The following AGBL4 variants were observed in gnomAD, a reference collection of about 807,000 sequenced individuals.
AGBL4 encodes cytosolic carboxypeptidase 6.
AGBL4 carries 58 observed loss-of-function variants against 66.4 expected under a neutral mutation model. That is an observed-to-expected ratio of 0.87 (90% CI 0.71 to 1.09). The LOEUF (loss-of-function observed/expected upper bound fraction) is 1.09. Ranked by LOEUF, AGBL4 falls within the 50% of genes least tolerant of loss-of-function variation. The pLI is 0.00. For missense variants in AGBL4, 579 were observed against 631.0 expected, an observed-to-expected ratio of 0.92 and a Z score of 0.88; for synonymous variants, 234 against 222.9, an observed-to-expected ratio of 1.05 and a Z score of -0.44.
chr1:49,291,717 C>T (rs964832484), intron 3 of AGBL4, among the ~76,000 whole-genome samples: 4 of 152,160 alleles, frequency 2.6e-5, no homozygotes, highest in Non-Finnish European at 4.4e-5. Context: ...CATGGTAACG[C>T]TAGTGATGGC....
chr1:49,755,285 G>A (rs1434584732), intron 2 of AGBL4, among the ~76,000 whole-genome samples: 2 of 151,940 alleles, frequency 1.3e-5, no homozygotes, highest in Admixed American at 6.6e-5. Flanking sequence ...ATATGATCTG[G>A]TAAGAATTAG....
At chr1:48,991,641 T>A (rs1001556209) in intron 5 of AGBL4, among the ~76,000 whole-genome samples, 2 of 152,094 alleles carry the variant, frequency 1.3e-5, no homozygotes, top group Non-Finnish European at 2.9e-5. Context: ...ACTTCCCTAG[T>A]CTTGTAGGTG....
chr1:49,914,314 C>A (rs997301321), intron 1 of AGBL4, among the ~76,000 whole-genome samples: 2 of 152,188 alleles, frequency 1.3e-5, no homozygotes, highest in African/African-American at 4.8e-5. Context: ...TTGTTCATCA[C>A]TCCTAAGTTC....
At chr1:49,122,558 T>TA (rs1355131816) in intron 4 of AGBL4, among the ~76,000 whole-genome samples, 2 of 152,166 alleles carry the variant, frequency 1.3e-5, no homozygotes, top group Non-Finnish European at 2.9e-5. Context: ...AAAATAATAC[T>TA]AATCAATTTA....
At chr1:49,227,816 C>G (rs376610712) in intron 4 of AGBL4, among the ~76,000 whole-genome samples, 1 of 152,172 alleles carries the variant, frequency 6.6e-6, no homozygotes, top group Non-Finnish European at 1.5e-5. Context: ...ATATTCATGG[C>G]TGCAGTGCCC....
intron 11 of AGBL4, among the ~76,000 whole-genome samples, chr1:48,552,633 C>T (rs1195226803): frequency 6.6e-6 from 1 of 152,192 alleles, no homozygotes; most frequent in Non-Finnish European, 1.5e-5. Context: ...GCACCCACCT[C>T]ATTGTGACAA....
intron 4 of AGBL4, among the ~76,000 whole-genome samples, chr1:49,220,138 A>G (rs1649388090): frequency 6.6e-6 from 1 of 152,134 alleles, no homozygotes; most frequent in Non-Finnish European, 1.5e-5. Context: ...TTTTTGTCTT[A>G]CTGTCCAGAA....
At chr1:49,502,082 G>T (rs1028750466) in intron 3 of AGBL4, among the ~76,000 whole-genome samples, 1 of 152,106 alleles carries the variant, frequency 6.6e-6, no homozygotes, top group Non-Finnish European at 1.5e-5. Flanking sequence ...TATGTGTTCT[G>T]CTGCTGTTGG....
chr1:49,222,734 G>A (rs942493150), intron 4 of AGBL4, among the ~76,000 whole-genome samples: 2 of 152,056 alleles, frequency 1.3e-5, no homozygotes, highest in Non-Finnish European at 2.9e-5. Flanking sequence ...TCTTTATTTT[G>A]TAATAATTCA....
chr1:49,638,824 G>A (rs1645726581), intron 3 of AGBL4, among the ~76,000 whole-genome samples: 1 of 152,076 alleles, frequency 6.6e-6, no homozygotes, highest in Non-Finnish European at 1.5e-5. Context: ...TTTCTTCATA[G>A]CAGTATGAAA....
At chr1:49,138,851 C>T (rs1392731113) in intron 4 of AGBL4, among the ~76,000 whole-genome samples, 1 of 152,118 alleles carries the variant, frequency 6.6e-6, no homozygotes, top group East Asian at 1.9e-4. Flanking sequence ...TTAGTCCATT[C>T]TCACATTGCT....
chr1:49,908,216 C>CT lies in AGBL4; in HGVS notation c.35-56699dup, dbSNP rs768024848. Among the ~76,000 whole-genome samples, 318 of 151,708 alleles carry CT rather than the reference C, an allele frequency of 2.1e-3. 1 individual carries two copies. The highest frequency in any genetic ancestry group is 3.6e-3 in the Non-Finnish European group (244 of 67,894). ...ATAAATGAGACCTCATCTCTCTAAG[C>CT]TTTTTTTAATTAGCCAGGTGATACA... On this transcript the variant is annotated intron_variant, in intron 1 of 13. Coordinates refer to ENST00000371839, the MANE Select transcript of AGBL4 (RefSeq NM_032785.4).
chr1:49,903,027 C>T (rs2148193209), intron 1 of AGBL4, among the ~76,000 whole-genome samples: 1 of 152,102 alleles, frequency 6.6e-6, no homozygotes, highest in East Asian at 1.9e-4. Context: ...ATAAATCACT[C>T]CACCATAAAG....
At chr1:49,499,319 A>G (rs1460278641) in intron 3 of AGBL4, among the ~76,000 whole-genome samples, 1 of 151,870 alleles carries the variant, frequency 6.6e-6, no homozygotes, top group African/African-American at 2.4e-5. Context: ...CATTTCTCCT[A>G]AGTTATCCAA....
At chr1:48,692,349 G>T (rs1425723366) in intron 6 of AGBL4, among the ~76,000 whole-genome samples, 1 of 152,180 alleles carries the variant, frequency 6.6e-6, no homozygotes, top group South Asian at 2.1e-4. Flanking sequence ...GGGGCGGCAC[G>T]CTGGGGAGCT....
At chr1:49,885,531 A>C (rs1425762308) in intron 1 of AGBL4, among the ~76,000 whole-genome samples, 1 of 152,052 alleles carries the variant, frequency 6.6e-6, no homozygotes, top group African/African-American at 2.4e-5. Flanking sequence ...TCAAATACAC[A>C]TACCCTAATT....
chr1:48,676,064 A>G (rs2148473414), intron 6 of AGBL4, among the ~76,000 whole-genome samples: 1 of 152,358 alleles, frequency 6.6e-6, no homozygotes, highest in East Asian at 1.9e-4. Flanking sequence ...CTCAGGTTAT[A>G]CCTGGGGTAC....
At chr1:48,616,868 G>A (rs555013976) in intron 9 of AGBL4, among the ~76,000 whole-genome samples, 51 of 152,296 alleles carry the variant, frequency 3.3e-4, no homozygotes, top group African/African-American at 1.1e-3. Context: ...ATGCTCCCTG[G>A]GTCCTTCGTT....
intron 3 of AGBL4, among the ~76,000 whole-genome samples, chr1:49,476,953 G>A (rs1646859137): frequency 6.6e-6 from 1 of 151,988 alleles, no homozygotes; most frequent in Non-Finnish European, 1.5e-5. Flanking sequence ...GGCCTGTTGT[G>A]GTATAGTCCA....
Sources: allele counts gnomAD v4.1 joint callset (sites outside exome capture counted in the v4.1 genomes callset), GRCh38; gene constraint gnomAD v4.1.1; transcripts MANE v1.5; gene names NCBI Gene and HGNC (gene_info 2026-07-23, HGNC 2026-07-21).